Variants in ASB7 observed in about 807,000 individuals in gnomAD.
The protein encoded by ASB7 is ankyrin repeat and SOCS box protein 7.
ASB7 carries 4 observed loss-of-function variants against 32.5 expected under a neutral mutation model. That is an observed-to-expected ratio of 0.12 (90% CI 0.06 to 0.28). The LOEUF (loss-of-function observed/expected upper bound fraction) is 0.28, where lower values mean the gene tolerates loss of function less well. Ranked by LOEUF, ASB7 falls within the 10% of genes least tolerant of loss-of-function variation. The pLI is 1.00. For missense variants in ASB7, 181 were observed against 407.1 expected (o/e 0.44, Z 4.78); for synonymous variants, 172 against 155.6 (o/e 1.11, Z -0.78).
chr15:100,629,334 T>C lies in ASB7; in HGVS notation c.212-103T>C. On this transcript the variant is annotated intron_variant, in intron 4 of 5. Coordinates refer to ENST00000332783, the MANE Select transcript of ASB7 (RefSeq NM_198243.3). This position sits in a 1 kb window ranked among gnomAD's most constrained non-coding sequence, Gnocchi z 6.8. Reference sequence around the variant, plus strand: ...GATATTCATTACAGTGTTTGGTTGCTTCACATTTTATATGAGAATTGGCCA... The same window carrying C: ...GATATTCATTACAGTGTTTGGTTGCCTCACATTTTATATGAGAATTGGCCA... The C allele has an allele frequency of 9.3e-7, 1 of 1,070,284 alleles. No homozygotes were observed. The highest frequency in any genetic ancestry group is 1.4e-6 in the Non-Finnish European group (1 of 729,994). 66.3% of individuals were successfully genotyped at this position (1,070,284 alleles called of 1,614,324 possible). A position where few individuals can be genotyped will look rare whatever the true frequency, so the allele number is the denominator to read the frequency against.
chr15:100,643,477 CTTTTTTTTTT>C (rs1172063471), intron 5 of ASB7, among the ~76,000 whole-genome samples: 2 of 104,380 alleles, frequency 1.9e-5, no homozygotes, highest in East Asian at 2.9e-4. Flanking sequence ...GTCCCTTCTT[CTTTTTTTTTT>C]TTTTTTTTTT....
intron 5 of ASB7, among the ~76,000 whole-genome samples, chr15:100,647,764 T>C (rs1333969838): frequency 6.6e-6 from 1 of 152,152 alleles, no homozygotes; most frequent in African/African-American, 2.4e-5. Context: ...TGAGCAGATC[T>C]GGAAAGCTTG....
chr15:100,616,100 A>G (rs990900745), intron 4 of ASB7, among the ~76,000 whole-genome samples: 8 of 152,144 alleles, frequency 5.3e-5, no homozygotes, highest in African/African-American at 1.7e-4. Flanking sequence ...GTGCCTGTTC[A>G]CCTGCCTTTG....
chr15:100,603,074 A>C (rs12911872), intron 1 of ASB7, 28 bp downstream of exon 1: 82,577 of 398,926 alleles, frequency 0.21, 9,709 homozygotes, highest in Non-Finnish European at 0.25. Flanking sequence ...CCCCGAGGGG[A>C]AGAGTGCTGG....
chr15:100,642,574 G>T (rs542320960), intron 5 of ASB7, among the ~76,000 whole-genome samples: 2 of 148,336 alleles, frequency 1.3e-5, no homozygotes, highest in Non-Finnish European at 3.0e-5. Flanking sequence ...CCCTCCCACT[G>T]CCTGGTACCA....
chr15:100,640,365 G>A lies in ASB7; in HGVS notation c.818-7958G>A, dbSNP rs367787444. Reference sequence around the variant, plus strand: ...TCGCCATGATGGTCAGGCTGGTCTCGAACTCCTGACCTCAAGTGATCTGCC... The same window carrying A: ...TCGCCATGATGGTCAGGCTGGTCTCAAACTCCTGACCTCAAGTGATCTGCC... On this transcript the variant is annotated intron_variant, in intron 5 of 5. Transcript: ENST00000332783. 2.2e-4 allele frequency among the ~76,000 whole-genome samples: 33 copies of A among 152,240 alleles called. 1 individual carries two copies. In the East Asian group the frequency reaches 3.1e-3, roughly 14 times the overall value.
At chr15:100,626,690 A>G (rs1329688918) in intron 4 of ASB7, among the ~76,000 whole-genome samples, 3 of 152,094 alleles carry the variant, frequency 2.0e-5, no homozygotes, top group East Asian at 1.9e-4. Context: ...GTGTTATTCA[A>G]ATAGGCTCAA....
At chr15:100,606,227 G>C (rs1159749648) in intron 2 of ASB7, among the ~76,000 whole-genome samples, 1 of 151,666 alleles carries the variant, frequency 6.6e-6, no homozygotes, top group Non-Finnish European at 1.5e-5. Context: ...CGTCGGAGTT[G>C]CTGATTGCAT....
chr15:100,643,681 G>A (rs1180210569), intron 5 of ASB7, among the ~76,000 whole-genome samples: 2 of 150,732 alleles, frequency 1.3e-5, no homozygotes, highest in Non-Finnish European at 3.0e-5. Flanking sequence ...TTTTAGTAGA[G>A]ACGGGGTTTC....
At chr15:100,618,475 A>G (rs1022479955) in intron 4 of ASB7, among the ~76,000 whole-genome samples, 8 of 152,190 alleles carry the variant, frequency 5.3e-5, no homozygotes, top group East Asian at 1.9e-4. Context: ...TCCTCCTGTT[A>G]GTAGCTCATT....
intron 5 of ASB7, among the ~76,000 whole-genome samples, chr15:100,636,499 A>G (rs1351583357): frequency 6.6e-6 from 1 of 152,156 alleles, no homozygotes; most frequent in East Asian, 1.9e-4. Flanking sequence ...CCTGTGTCAG[A>G]GGCGCTGTTG....
chr15:100,635,347 C>T (rs2039915122), intron 5 of ASB7, among the ~76,000 whole-genome samples: 1 of 152,152 alleles, frequency 6.6e-6, no homozygotes, highest in South Asian at 2.1e-4. Flanking sequence ...TGTTCTGATG[C>T]TTATTTTGTC....
At chr15:100,648,284 T>TTG in intron 5 of ASB7, 39 bp from the exon 6 acceptor site, 1 of 1,551,056 alleles carries the variant, frequency 6.4e-7, no homozygotes, top group Non-Finnish European at 8.7e-7. Context: ...ATATTGTGCT[T>TTG]TGTGGCTTTG....
intron 5 of ASB7, among the ~76,000 whole-genome samples, chr15:100,631,125 A>G (rs1400652094): frequency 6.6e-6 from 1 of 152,108 alleles, no homozygotes; most frequent in Non-Finnish European, 1.5e-5. Flanking sequence ...TATTATCACT[A>G]ATGTTTTCAG....
In ASB7 at chr15:100,603,020, G is replaced by A. The variant is rs2039570532; in HGVS notation, c.-299G>A. 2.5e-6 allele frequency: 1 copy of A among 399,364 alleles called. No individual in the cohort carries two copies. The highest frequency in any genetic ancestry group is 4.4e-6 in the Non-Finnish European group (1 of 226,634). The allele number at this position is 399,364 out of a possible 1,614,324, so 24.7% of individuals were successfully genotyped here. On this transcript the variant is annotated 5_prime_UTR_variant, in exon 1 of 6. Transcript: ENST00000332783. ...TGAGTGTAGAGGAGGCTGAAAGGAG[G>A]AAGAGAAGCAGCAGCTGAGGAGACA... is the stretch of plus-strand genomic sequence containing the variant.
chr15:100,646,118 G>A, intron 5 of ASB7: 1 of 399,994 alleles, frequency 2.5e-6, no homozygotes, highest in Non-Finnish European at 4.9e-6. Context: ...CAGCAGCATA[G>A]GGTTTTCACT....
chr15:100,629,319 A>T lies in ASB7; in HGVS notation c.212-118A>T. 1 of 880,718 alleles carries T rather than the reference A, an allele frequency of 1.1e-6. No homozygotes were observed. The highest frequency in any genetic ancestry group is 1.8e-6 in the Non-Finnish European group (1 of 564,146). 54.6% of individuals were successfully genotyped at this position (880,718 alleles called of 1,614,324 possible). On this transcript the variant is annotated intron_variant, in intron 4 of 5. Transcript: ENST00000332783. This position sits in a 1 kb window ranked among gnomAD's most constrained non-coding sequence, Gnocchi z 6.8. ...AGGAAAAACGTACTTGATATTCATT[A>T]CAGTGTTTGGTTGCTTCACATTTTA...
chr15:100,633,879 A>G (rs1451352529), intron 5 of ASB7, among the ~76,000 whole-genome samples: 1 of 152,130 alleles, frequency 6.6e-6, no homozygotes, highest in African/African-American at 2.4e-5. Flanking sequence ...TGTGTACATA[A>G]TGTTTGCACA....
intron 4 of ASB7, among the ~76,000 whole-genome samples, chr15:100,628,961 A>G (rs891460639): frequency 1.3e-5 from 2 of 152,218 alleles, no homozygotes; most frequent in African/African-American, 2.4e-5. Flanking sequence ...AATATACCCT[A>G]AAACAACACG....
Sources: gnomAD v4.1 joint callset for allele counts (sites outside exome capture counted in the v4.1 genomes callset) on GRCh38, gnomAD v4.1.1 for gene constraint, Gnocchi (gnomAD v3.1) non-coding constraint, MANE v1.5 for transcripts, NCBI Gene and HGNC (gene_info 2026-07-23, HGNC 2026-07-21) for gene names.